The following COL16A1 variants were observed in gnomAD, a reference collection of about 807,000 sequenced individuals.
COL16A1 encodes collagen type XVI alpha 1 chain.
COL16A1 carries 189 observed loss-of-function variants against 266.3 expected under a neutral mutation model. That is an observed-to-expected ratio of 0.71 (90% CI 0.63 to 0.80). The LOEUF (loss-of-function observed/expected upper bound fraction) is 0.80. Among genes scored for constraint, COL16A1 ranks in the 30% least tolerant of loss-of-function variants. COL16A1 has a pLI of 0.00. For missense variants in COL16A1, 1,928 were observed against 2,122.4 expected, an observed-to-expected ratio of 0.91 and a Z score of 1.80; for synonymous variants, 740 against 782.3, an observed-to-expected ratio of 0.95 and a Z score of 0.90.
Position 31,666,041 on chromosome 1 carries a change from G to A in COL16A1, c.3398C>T (p.Pro1133Leu). ...CCCATGCCCTCCTTCACTCACCGCT[G>A]GGCCTGGGGGGCCTGGGAGGCCTTC... is the stretch of plus-strand genomic sequence containing the variant. Reference protein sequence around the residue: ...GSEGLPGPPGPAGPRGERGPQ... With the variant: ...GSEGLPGPPGLAGPRGERGPQ... The change falls in exon 53 of 71, where the codon CCA (proline) becomes CTA (leucine). Residue 1133 changes from proline (P) to leucine (L), a missense_variant. Pro to Leu is a moderately conservative substitution (Grantham distance 98). Around this residue, in one of 2 missense-constraint regions of COL16A1, gnomAD observed 1,552 missense variants for 1,637.2 expected, o/e 0.95. Transcript: ENST00000373672. 6 of 1,613,360 alleles carry A rather than the reference G, an allele frequency of 3.7e-6. No individual in the cohort carries two copies. The highest frequency in any genetic ancestry group is 4.2e-6 in the Non-Finnish European group (5 of 1,179,784).
At chr1:31,661,779 C>A in intron 58 of COL16A1, 75 bp from the exon 59 acceptor site, 1 of 1,466,072 alleles carries the variant, frequency 6.8e-7, no homozygotes, top group East Asian at 2.3e-5. Context: ...CTGTCCTCCC[C>A]TCTCTCCAGC....
Position 31,697,050 on chromosome 1 carries a change from C to A in COL16A1, c.777G>T (p.Gln259His), listed in dbSNP as rs1412910463. Residue 259 changes from glutamine (Q) to histidine (H), a missense_variant, in exon 8 of 71, where the codon CAG becomes CAT. Transcript: ENST00000373672. The surrounding 1 kb of genome is among the most constrained non-coding windows in gnomAD (Gnocchi z 4.2). Reference sequence around the variant, plus strand: ...GATTGATCTCAATGAGCTCATTGCTCTGGGTGTCCCGGCGGGCCTTGGAGG... The same window carrying A: ...GATTGATCTCAATGAGCTCATTGCTATGGGTGTCCCGGCGGGCCTTGGAGG... ...PETSKARRDTQSNELIEINPQ... is the reference protein window; with the variant it reads ...PETSKARRDTHSNELIEINPQ... 6 of 1,614,042 alleles carry A rather than the reference C, an allele frequency of 3.7e-6. No individual in the cohort carries two copies. Among genetic ancestry groups the A allele is most frequent in the Non-Finnish European group, 5.1e-6 (6 of 1,180,030 alleles).
Position 31,652,569 on chromosome 1 carries a change from A to G in COL16A1, c.*82T>C, listed in dbSNP as rs1640719224. 7.4e-7 allele frequency: 1 copy of G among 1,348,464 alleles called. No individual in the cohort carries two copies. The allele number at this position is 1,348,464 out of a possible 1,614,324, so 83.5% of individuals were successfully genotyped here. ...AAACAACAACAACAACAAAAAAAAC[A>G]TTCACAACCTGTCACAGAGTCCTAT... On this transcript the variant is annotated 3_prime_UTR_variant, in exon 71 of 71. Coordinates refer to ENST00000373672, the MANE Select transcript of COL16A1 (RefSeq NM_001856.4). The surrounding 1 kb of genome is among the most constrained non-coding windows in gnomAD (Gnocchi z 4.8).
chr1:31,660,730 T>C, intron 61 of COL16A1, 92 bp from the exon 62 acceptor site: 2 of 1,554,430 alleles, frequency 1.3e-6, no homozygotes, highest in South Asian at 1.2e-5. Context: ...GCAGAATACA[T>C]GGTAATGCCA....
chr1:31,656,837 A>AG lies in COL16A1; in HGVS notation c.4056+195_4056+196insC, dbSNP rs1212101242. Reference sequence around the variant, plus strand: ...GGTACAGGGTTTAAAAAAAAAAAAAAAAAGGTAAAACAAATCTCACTCCCA... The same window carrying AG: ...GGTACAGGGTTTAAAAAAAAAAAAAAGAAAGGTAAAACAAATCTCACTCCCA... On this transcript the variant is annotated intron_variant, in intron 65 of 70. Coordinates refer to ENST00000373672, the MANE Select transcript of COL16A1 (RefSeq NM_001856.4). The surrounding 1 kb of genome is among the most constrained non-coding windows in gnomAD (Gnocchi z 4.2). 1.6e-6 allele frequency: 1 copy of AG among 643,198 alleles called. No individual in the cohort carries two copies. The highest frequency in any genetic ancestry group is 3.1e-5 in the Admixed American group (1 of 32,456). 39.8% of individuals were successfully genotyped at this position (643,198 alleles called of 1,614,324 possible).
In COL16A1 at chr1:31,668,848, T is replaced by C; in HGVS notation, c.3203A>G (p.Gln1068Arg). The C allele has an allele frequency of 6.2e-7, 1 of 1,613,672 alleles. No homozygotes were observed. Among genetic ancestry groups the C allele is most frequent in the Non-Finnish European group, 8.5e-7 (1 of 1,179,874 alleles). ...AVGSPGLPGLQGERGLTGLTG... is the reference protein window; with the variant it reads ...AVGSPGLPGLRGERGLTGLTG... ...CAGGCCCGTGAGACCTCGCTCTCCTTGAAGGCCCTTGGAGAGAAAAATCAT... is the reference window on the plus strand; with the variant it reads ...CAGGCCCGTGAGACCTCGCTCTCCTCGAAGGCCCTTGGAGAGAAAAATCAT... The change falls in exon 50 of 71, where the codon CAA (glutamine) becomes CGA (arginine). Residue 1068 changes from glutamine (Q) to arginine (R), a missense_variant. Gln to Arg is a conservative substitution (Grantham distance 43). This residue lies in a region of COL16A1 where 1,552 missense variants were observed against 1,637.2 expected (regional missense o/e 0.95). Coordinates refer to ENST00000373672, the MANE Select transcript of COL16A1 (RefSeq NM_001856.4). This position sits in a 1 kb window ranked among gnomAD's most constrained non-coding sequence, Gnocchi z 5.8.
At chr1:31,689,111 T>C (rs1163588407) in intron 23 of COL16A1, 26 bp from the exon 24 acceptor site, 1 of 1,613,122 alleles carries the variant, frequency 6.2e-7, no homozygotes, top group African/African-American at 1.3e-5. Flanking sequence ...GTTTGTGGGC[T>C]GAGGCAGGGC....
intron 39 of COL16A1, among the ~76,000 whole-genome samples, chr1:31,680,470 C>G (rs1390820819): frequency 2.0e-5 from 3 of 152,212 alleles, no homozygotes; most frequent in Non-Finnish European, 4.4e-5. Context: ...CCCCACTCCT[C>G]TGGGCCCAGC....
chr1:31,656,268 C>A lies in COL16A1; in HGVS notation c.4101+132G>T, dbSNP rs537522099. 7.3e-5 allele frequency: 108 copies of A among 1,478,694 alleles called. No individual in the cohort carries two copies. The South Asian group carries it at 1.3e-3, about 17-fold the overall frequency. 91.6% of individuals were successfully genotyped at this position (1,478,694 alleles called of 1,614,324 possible). On this transcript the variant is annotated intron_variant, in intron 66 of 70. Coordinates refer to ENST00000373672, the MANE Select transcript of COL16A1 (RefSeq NM_001856.4). This position sits in a 1 kb window ranked among gnomAD's most constrained non-coding sequence, Gnocchi z 4.2. ...AGAAATTTTCAGACACTATCCTGCT[C>A]CAAGTTCTGCATTTTTGCCCCCTGC...
intron 11 of COL16A1, 99 bp downstream of exon 11, chr1:31,695,087 A>T: frequency 8.1e-7 from 1 of 1,235,998 alleles, no homozygotes; most frequent in South Asian, 1.3e-5. Context: ...GTGTACAAAG[A>T]CCCCCTTGTC....
At chr1:31,694,467 G>A (rs1644408009) in intron 11 of COL16A1, among the ~76,000 whole-genome samples, 1 of 152,196 alleles carries the variant, frequency 6.6e-6, no homozygotes, top group Admixed American at 6.5e-5. Context: ...TGCACATCTG[G>A]GGACCATCAG....
chr1:31,673,716 G>A (rs901279993), intron 44 of COL16A1, among the ~76,000 whole-genome samples: 14 of 152,382 alleles, frequency 9.2e-5, no homozygotes, highest in African/African-American at 2.9e-4. Flanking sequence ...GAGAGGCGGC[G>A]TGACTTGTCT....
At chr1:31,661,557 G>A (rs11804740) in intron 59 of COL16A1, 99 bp from the exon 60 acceptor site, 2 of 1,612,118 alleles carry the variant, frequency 1.2e-6, no homozygotes, top group African/African-American at 1.3e-5. Flanking sequence ...CCAATCCAAA[G>A]TCATAACACG....
chr1:31,701,320 C>A, intron 2 of COL16A1: 1 of 985,392 alleles, frequency 1.0e-6, no homozygotes, highest in East Asian at 1.1e-4. Context: ...GAGAGGAGAG[C>A]AAAGCTCACG....
chr1:31,671,735 C>G, intron 47 of COL16A1, 76 bp from the exon 48 acceptor site: 1 of 1,592,346 alleles, frequency 6.3e-7, no homozygotes, highest in African/African-American at 1.3e-5. Context: ...CAGCCTTCCT[C>G]CCAGCTTGCC....
intron 10 of COL16A1, among the ~76,000 whole-genome samples, 174 bp downstream of exon 10, chr1:31,695,587 A>T (rs1644461135): frequency 6.6e-6 from 1 of 151,604 alleles, no homozygotes; most frequent in Non-Finnish European, 1.5e-5. Flanking sequence ...AGGGCTACCT[A>T]CCCCCCAACC....
intron 33 of COL16A1, 65 bp from the exon 34 acceptor site, chr1:31,683,813 G>A: frequency 6.2e-7 from 1 of 1,611,826 alleles, no homozygotes; most frequent in Non-Finnish European, 8.5e-7. Flanking sequence ...CTTCTCCCCA[G>A]CCCCTTCTCC....
At chr1:31,679,389 G>A (rs760526178) in intron 42 of COL16A1, 35 of 1,517,824 alleles carry the variant, frequency 2.3e-5, no homozygotes, top group Non-Finnish European at 2.7e-5. Context: ...GACCCAGATT[G>A]TGGGTGCCTG....
intron 8 of COL16A1, among the ~76,000 whole-genome samples, 190 bp from the exon 9 acceptor site, chr1:31,696,331 C>G (rs546068959): frequency 7.1e-6 from 1 of 140,120 alleles, no homozygotes; most frequent in Non-Finnish European, 1.6e-5. Context: ...CTTCCCCCCC[C>G]ACCCACCCAT....
Sources: gnomAD v4.1 joint callset for allele counts (sites outside exome capture counted in the v4.1 genomes callset) on GRCh38, gnomAD v4.1.1 for gene constraint, gnomAD v4.1.1 regional missense constraint, Gnocchi (gnomAD v3.1) non-coding constraint, MANE v1.5 for transcripts, NCBI Gene and HGNC (gene_info 2026-07-23, HGNC 2026-07-21) for gene names.